The following NLRX1 variants were observed in gnomAD, a reference collection of about 807,000 sequenced individuals.
The protein encoded by NLRX1 is NLR family member X1.
A neutral mutation model predicts 74.2 loss-of-function variants in NLRX1; 67 were observed. That is an observed-to-expected ratio of 0.90 (90% CI 0.74 to 1.11). NLRX1 has a LOEUF of 1.11. NLRX1 is among the 50% of genes least tolerant of loss of function. NLRX1 has a pLI of 0.00. For synonymous variants in NLRX1, 506 were observed against 559.1 expected (o/e 0.91, Z 1.34); for missense variants, 1,191 against 1,305.4 (o/e 0.91, Z 1.35).
Position 119,171,880 on chromosome 11 carries a change from G to A in NLRX1, c.70+407G>A, listed in dbSNP as rs758622232. Among the ~76,000 whole-genome samples, 18 of 152,072 alleles carry A rather than the reference G, an allele frequency of 1.2e-4. No individual in the cohort carries two copies. The South Asian group carries it at 1.7e-3, about 14-fold the overall frequency. On this transcript the variant is annotated intron_variant, in intron 2 of 9. Coordinates refer to ENST00000409109, the MANE Select transcript of NLRX1 (RefSeq NM_001282144.2). ...CTGAGGCAGGAGAATCATTTGAACC[G>A]GGAGGCAGAAGTTGCAGTGAGCTGA...
intron 1 of NLRX1, among the ~76,000 whole-genome samples, chr11:119,171,099 T>C (rs1034331842): frequency 2.0e-5 from 3 of 151,778 alleles, no homozygotes; most frequent in East Asian, 1.9e-4. Flanking sequence ...GCCACAATCA[T>C]GCCTGGGCAA....
In NLRX1 at chr11:119,172,987, C is replaced by T; in HGVS notation, c.227C>T (p.Thr76Ile). The stretch of plus-strand genomic sequence containing the variant: ...CGGCTGTTCCCCAGCGCCTCTGCAA[C>T]TGGTAAAGGGACTGGCTGGGACCCT... ...HGRLFPSASA[T>I]EAIQRHRRNL... The change falls in exon 4 of 10, where the codon ACT becomes ATT. Residue 76 changes from threonine to isoleucine, a missense_variant and splice_region_variant. Transcript: ENST00000409109. The T allele has an allele frequency of 6.2e-7, 1 of 1,612,674 alleles. No individual in the cohort carries two copies.
In NLRX1 at chr11:119,171,359, A is replaced by C. The variant is rs1313125411; in HGVS notation, c.-45A>C. On this transcript the variant is annotated 5_prime_UTR_variant, in exon 2 of 10. Coordinates refer to ENST00000409109, the MANE Select transcript of NLRX1 (RefSeq NM_001282144.2). ...ATTCGTACTATTCTTCTTGCAGGACAGAAGTCGGTCCTAGGCCCCCCAGGC... is the reference window on the plus strand; with the variant it reads ...ATTCGTACTATTCTTCTTGCAGGACCGAAGTCGGTCCTAGGCCCCCCAGGC... The C allele has an allele frequency of 6.2e-7, 1 of 1,609,106 alleles. No homozygotes were observed. The highest frequency in any genetic ancestry group is 8.5e-7 in the Non-Finnish European group (1 of 1,177,634).
Position 119,179,815 on chromosome 11 carries a change from C to A in NLRX1, c.1794C>A (p.Gly598=), listed in dbSNP as rs75430785. ...YYNDDVLDQM[G]ASILGVEGPR... Reference sequence around the variant, plus strand: ...ACGATGATGTTCTGGACCAGATGGGCGCCAGTATCCTGGGCGTGGAGGGCC... The same window carrying A: ...ACGATGATGTTCTGGACCAGATGGGAGCCAGTATCCTGGGCGTGGAGGGCC... Residue 598 remains glycine, a synonymous_variant, in exon 7 of 10, where the codon GGC becomes GGA. Coordinates refer to ENST00000409109, the MANE Select transcript of NLRX1 (RefSeq NM_001282144.2). 1.9e-6 allele frequency: 3 copies of A among 1,614,184 alleles called. No homozygotes were observed. The highest frequency in any genetic ancestry group is 2.5e-6 in the Non-Finnish European group (3 of 1,180,038).
rs1048805443 is a variant in NLRX1, at chr11:119,183,303, G to A, written c.2792G>A (p.Arg931Gln). 3 of 1,614,108 alleles carry A rather than the reference G, an allele frequency of 1.9e-6. No individual in the cohort carries two copies. Among genetic ancestry groups the A allele is most frequent in the South Asian group, 1.1e-5 (1 of 91,088 alleles). Residue 931 changes from arginine (R) to glutamine (Q), a missense_variant, in exon 10 of 10, where the codon CGA (arginine) becomes CAA (glutamine). Arg to Gln is a conservative substitution (Grantham distance 43, BLOSUM62 1). Coordinates refer to ENST00000409109, the MANE Select transcript of NLRX1 (RefSeq NM_001282144.2). This position sits in a 1 kb window ranked among gnomAD's most constrained non-coding sequence, Gnocchi z 5.7. The part of the protein sequence containing the change: ...LNSWDRARVQ[R>Q]HLELLLRDLE... Reference sequence around the variant, plus strand: ...AGCTGGGATCGGGCCCGGGTTCAGCGACACCTTGAGCTCCTACTGCGGGAT... The same window carrying A: ...AGCTGGGATCGGGCCCGGGTTCAGCAACACCTTGAGCTCCTACTGCGGGAT...
intron 6 of NLRX1, among the ~76,000 whole-genome samples, chr11:119,176,736 T>G (rs573565307): frequency 6.6e-6 from 1 of 152,000 alleles, no homozygotes; most frequent in African/African-American, 2.4e-5. Context: ...AATAAAAAAT[T>G]TTTAATTTTG....
At chr11:119,177,514 G>GCTA (rs1318335989) in intron 6 of NLRX1, among the ~76,000 whole-genome samples, 2 of 151,596 alleles carry the variant, frequency 1.3e-5, no homozygotes, top group Non-Finnish European at 2.9e-5. Flanking sequence ...TGTAATCCCA[G>GCTA]CTACTCGGGA....
At chr11:119,175,362 C>A in intron 6 of NLRX1, 88 bp downstream of exon 6, 1 of 1,122,688 alleles carries the variant, frequency 8.9e-7, no homozygotes, top group South Asian at 1.4e-5. Context: ...GTTCCCTGTT[C>A]ACCCCTTGCT....
At chr11:119,180,956 G>C (rs940790721) in intron 7 of NLRX1, among the ~76,000 whole-genome samples, 1 of 152,140 alleles carries the variant, frequency 6.6e-6, no homozygotes, top group Non-Finnish European at 1.5e-5. Context: ...TGGGAGGATT[G>C]CTTGAGCCCA....
rs375007674 is a variant in NLRX1, at chr11:119,180,095, G to A, written c.2074G>A (p.Ala692Thr). The change falls in exon 7 of 10, where the codon GCT (alanine) becomes ACT (threonine). Residue 692 changes from alanine (A) to threonine (T), a missense_variant. Physicochemically the swap from Ala to Thr is moderately conservative, Grantham distance 58. Transcript: ENST00000409109. ...TGAGTTCCAGAACCAGCGCTTCTCC[G>A]CTGAGGTGCTCAGCTCCCTGCGTCA... ...HYEFQNQRFS[A>T]EVLSSLRQLN... is the part of the protein sequence containing the mutation. 8.1e-6 allele frequency: 13 copies of A among 1,613,518 alleles called. No homozygotes were observed. In the East Asian group the frequency reaches 1.3e-4, roughly 17 times the overall value.
chr11:119,175,100 A>G lies in NLRX1; in HGVS notation c.1497A>G (p.Glu499=). The G allele has an allele frequency of 1.2e-6, 2 of 1,614,198 alleles. No homozygotes were observed. The highest frequency in any genetic ancestry group is 1.7e-6 in the Non-Finnish European group (2 of 1,180,038). Residue 499 remains glutamate (E), a synonymous_variant, in exon 6 of 10, where the codon GAA becomes GAG. Coordinates refer to ENST00000409109, the MANE Select transcript of NLRX1 (RefSeq NM_001282144.2). The part of the protein sequence containing the change: ...TFVFTVPAMQ[E]YLAALYIVLG... Reference sequence around the variant, plus strand: ...TGTTCACCGTGCCCGCCATGCAGGAATACCTGGCTGCCCTCTACATTGTGC... The same window carrying G: ...TGTTCACCGTGCCCGCCATGCAGGAGTACCTGGCTGCCCTCTACATTGTGC...
At chr11:119,174,364 G>C in intron 5 of NLRX1, 89 bp from the exon 6 acceptor site, 1 of 1,332,022 alleles carries the variant, frequency 7.5e-7, no homozygotes, top group Non-Finnish European at 1.0e-6. Flanking sequence ...CTTCATCCTT[G>C]GACACTCCGT....
intron 6 of NLRX1, among the ~76,000 whole-genome samples, chr11:119,176,894 T>C (rs939214810): frequency 6.6e-6 from 1 of 152,054 alleles, no homozygotes; most frequent in Non-Finnish European, 1.5e-5. Context: ...ACTCAGCTAT[T>C]TGAGTTCAAA....
intron 3 of NLRX1, 113 bp downstream of exon 3, chr11:119,172,538 TCCTTTG>T (rs1449000173): frequency 2.5e-6 from 2 of 807,430 alleles, no homozygotes; most frequent in African/African-American, 3.6e-5. Context: ...AGGGGCTTGG[TCCTTTG>T]GGGGTGGGAG....
chr11:119,182,645 G>A (rs1372539533), intron 9 of NLRX1, among the ~76,000 whole-genome samples: 3 of 152,192 alleles, frequency 2.0e-5, no homozygotes, highest in East Asian at 3.9e-4. Context: ...CCAGCACTTC[G>A]GGGGGCCAAG....
chr11:119,183,364 G>T lies in NLRX1; in HGVS notation c.2853G>T (p.Trp951Cys). The T allele has an allele frequency of 3.1e-6, 5 of 1,614,194 alleles. No individual in the cohort carries two copies. The highest frequency in any genetic ancestry group is 4.2e-6 in the Non-Finnish European group (5 of 1,180,034). ...GCCGGGGTGCCACCCTTAATCCTTG[G>T]CGCAAGGCCCAGCTGCTGCGAGTGG... is the stretch of plus-strand genomic sequence containing the variant. ...EDSRGATLNP[W>C]RKAQLLRVEG... Residue 951 changes from tryptophan (W) to cysteine (C), a missense_variant, in exon 10 of 10, where the codon TGG becomes TGT. Trp to Cys is a radical substitution (Grantham distance 215). Transcript: ENST00000409109. The surrounding 1 kb of genome is among the most constrained non-coding windows in gnomAD (Gnocchi z 5.7).
rs1258084914 is a variant in NLRX1, at chr11:119,182,339, T to A, written c.2600T>A (p.Leu867Gln). 6.2e-6 allele frequency: 10 copies of A among 1,611,812 alleles called. No homozygotes were observed. The highest frequency in any genetic ancestry group is 6.8e-6 in the Non-Finnish European group (8 of 1,179,582). ...GCCCGGGAGCACCCTTCCCTGGAAC[T>A]GCTACAGTGAGTCCTGTCCCTGGTC... is the stretch of plus-strand genomic sequence containing the variant. ...RAAREHPSLE[L>Q]LHLYFNELSS... Residue 867 changes from leucine (L) to glutamine (Q), a missense_variant, in exon 9 of 10, where the codon CTG becomes CAG. Coordinates refer to ENST00000409109, the MANE Select transcript of NLRX1 (RefSeq NM_001282144.2).
At chr11:119,180,893 TAGTC>T (rs1487699400) in intron 7 of NLRX1, among the ~76,000 whole-genome samples, 1 of 151,510 alleles carries the variant, frequency 6.6e-6, no homozygotes, top group Non-Finnish European at 1.5e-5. Flanking sequence ...ATTAAAAAAT[TAGTC>T]AGGTGTGGTG....
At chr11:119,174,418 A>G (rs1220466373) in intron 5 of NLRX1, 35 bp from the exon 6 acceptor site, 1 of 1,589,058 alleles carries the variant, frequency 6.3e-7, no homozygotes, top group Admixed American at 1.7e-5. Flanking sequence ...CAGGACACTA[A>G]GGTCTTTCTT....
Sources: gnomAD v4.1 joint callset for allele counts (sites outside exome capture counted in the v4.1 genomes callset) on GRCh38, gnomAD v4.1.1 for gene constraint, Gnocchi (gnomAD v3.1) non-coding constraint, MANE v1.5 for transcripts, NCBI Gene and HGNC (gene_info 2026-07-23, HGNC 2026-07-21) for gene names.